Variants in VPS37B observed in about 807,000 individuals in gnomAD.
VPS37B encodes vacuolar protein sorting-associated protein 37B.
In VPS37B, 11 loss-of-function variants were observed where a neutral mutation model predicts 21.2. The observed-to-expected ratio is 0.52, with a 90% CI of 0.33 to 0.86. The LOEUF (loss-of-function observed/expected upper bound fraction) is 0.86, where lower values mean the gene tolerates loss of function less well. Ranked by LOEUF, VPS37B falls within the 40% of genes least tolerant of loss-of-function variation. The pLI is 0.03. For missense variants in VPS37B, 389 were observed against 374.8 expected (o/e 1.04, Z -0.31); for synonymous variants, 175 against 159.6 (o/e 1.10, Z -0.73).
chr12:122,880,184 G>A (rs1406054777), intron 1 of VPS37B: 1 of 152,188 alleles, frequency 6.6e-6, no homozygotes, highest in Non-Finnish European at 1.5e-5. Context: ...CTTTTTTGAA[G>A]ATTAGCCTTT....
At chr12:122,888,276 C>T (rs1415759493) in intron 1 of VPS37B, 5 of 310,792 alleles carry the variant, frequency 1.6e-5, no homozygotes, top group Non-Finnish European at 3.2e-5. Flanking sequence ...ATTCTAGAGA[C>T]AACAAAGCTA....
chr12:122,891,109 G>C (rs540260406), intron 1 of VPS37B, among the ~76,000 whole-genome samples: 37 of 152,284 alleles, frequency 2.4e-4, no homozygotes, highest in African/African-American at 8.2e-4. Flanking sequence ...TTAATTTCCA[G>C]TGAGGTAACT....
chr12:122,890,140 G>A (rs910673227), intron 1 of VPS37B: 2 of 152,136 alleles, frequency 1.3e-5, no homozygotes, highest in Admixed American at 6.5e-5. Flanking sequence ...TATTCTCTGT[G>A]CCCTCTGGTA....
chr12:122,867,141 T>A lies in VPS37B; in HGVS notation c.833A>T (p.His278Leu). 6.5e-7 allele frequency: 1 copy of A among 1,536,288 alleles called. No homozygotes were observed. Among genetic ancestry groups the A allele is most frequent in the East Asian group, 2.3e-5 (1 of 44,296 alleles). Residue 278 changes from histidine to leucine, a missense_variant, in exon 4 of 4, where the codon CAC (histidine) becomes CTC (leucine). By Grantham distance (99) the His-to-Leu change is moderately conservative (BLOSUM62 -3). Transcript: ENST00000267202. The surrounding 1 kb of genome is among the most constrained non-coding windows in gnomAD (Gnocchi z 5.5). ...TCACTGGAGGATGAAACCCGGCTGG[T>A]GTGGAGGGAGCCGGGGCGGGGGTCT... is the stretch of plus-strand genomic sequence containing the variant. Reference protein sequence around the residue: ...PQRPPPRLPPHQPGFILQ With the variant: ...PQRPPPRLPPLQPGFILQ
At position 122,866,114 on chromosome 12, in the gene VPS37B, A is replaced by T. The variant is rs1677614253; in HGVS notation, c.*1002T>A. 1 of 152,672 alleles carries T rather than the reference A, an allele frequency of 6.5e-6. No homozygotes were observed. The highest frequency in any genetic ancestry group is 2.1e-4 in the South Asian group (1 of 4,834). The allele number at this position is 152,672 out of a possible 1,614,324, so 9.5% of individuals were successfully genotyped here. The stretch of plus-strand genomic sequence containing the variant: ...CAATGAACTTGGACAAGCCCTTCAG[A>T]GAAAGCAGAGCCGGGGCCTTGCCCA... On this transcript the variant is annotated 3_prime_UTR_variant, in exon 4 of 4. Coordinates refer to ENST00000267202, the MANE Select transcript of VPS37B (RefSeq NM_024667.3).
chr12:122,884,983 T>C (rs2034300622), intron 1 of VPS37B: 1 of 152,190 alleles, frequency 6.6e-6, no homozygotes, highest in South Asian at 2.1e-4. Flanking sequence ...ACATGAACTT[T>C]CCAACACCTG....
Position 122,866,906 on chromosome 12 carries a change from T to C in VPS37B, c.*210A>G. On this transcript the variant is annotated 3_prime_UTR_variant, in exon 4 of 4. Transcript: ENST00000267202. ...TGCAAACCGATGCAACGCACAGGTG[T>C]CAGGCTGTAACCCGGCACACACAAC... 2 of 480,170 alleles carry C rather than the reference T, an allele frequency of 4.2e-6. No homozygotes were observed. The highest frequency in any genetic ancestry group is 3.4e-5 in the East Asian group (1 of 29,502). The allele number at this position is 480,170 out of a possible 1,614,324, so 29.7% of individuals were successfully genotyped here. A position where few individuals can be genotyped will look rare whatever the true frequency, so the allele number is the denominator to read the frequency against.
chr12:122,875,146 G>T (rs975629882), intron 1 of VPS37B: 2 of 148,620 alleles, frequency 1.3e-5, no homozygotes. Flanking sequence ...TGCAGCCTCC[G>T]CCTGCCAGGT....
chr12:122,883,928 G>A (rs1315716769), intron 1 of VPS37B: 1 of 152,208 alleles, frequency 6.6e-6, no homozygotes, highest in Non-Finnish European at 1.5e-5. Flanking sequence ...TGTCCTAACT[G>A]GCTTCAGAAT....
At chr12:122,886,127 C>CTAT (rs1298379645) in intron 1 of VPS37B, 1 of 152,144 alleles carries the variant, frequency 6.6e-6, no homozygotes, top group African/African-American at 2.4e-5. Context: ...TATCAAGTGA[C>CTAT]TATGGTGCTG....
chr12:122,865,896 A>T lies in VPS37B; in HGVS notation c.*1220T>A, dbSNP rs1473764858. 6.6e-6 allele frequency: 1 copy of T among 152,394 alleles called. No homozygotes were observed. The highest frequency in any genetic ancestry group is 1.9e-4 in the East Asian group (1 of 5,204). 9.4% of individuals were successfully genotyped at this position (152,394 alleles called of 1,614,324 possible). A position where few individuals can be genotyped will look rare whatever the true frequency, so the allele number is the denominator to read the frequency against. ...ACATGGCACGTGAAGATGAGGTCCC[A>T]CAGGGGTGGGGGAAGAGCAGGTGCA... On this transcript the variant is annotated 3_prime_UTR_variant, in exon 4 of 4. Transcript: ENST00000267202.
In VPS37B at chr12:122,867,485, G is replaced by A; in HGVS notation, c.489C>T (p.Val163=). 6.2e-7 allele frequency: 1 copy of A among 1,614,028 alleles called. No individual in the cohort carries two copies. The highest frequency in any genetic ancestry group is 8.5e-7 in the Non-Finnish European group (1 of 1,180,008). ...CCTGTGGGAGTCTCTGCCCCTTTAG[G>A]ACCATCTCCTGGAGCTTCTCGATTT... is the stretch of plus-strand genomic sequence containing the variant. ...RVKIEKLQEM[V]LKGQRLPQAL... Residue 163 remains valine (V), a synonymous_variant, in exon 4 of 4, where the codon GTC becomes GTT. Transcript: ENST00000267202. The surrounding 1 kb of genome is among the most constrained non-coding windows in gnomAD (Gnocchi z 5.5).
In VPS37B at chr12:122,866,079, T is replaced by G. The variant is rs906391968; in HGVS notation, c.*1037A>C. 4 of 152,626 alleles carry G rather than the reference T, an allele frequency of 2.6e-5. No homozygotes were observed. Among genetic ancestry groups the G allele is most frequent in the Non-Finnish European group, 5.9e-5 (4 of 68,040 alleles). 9.5% of individuals were successfully genotyped at this position (152,626 alleles called of 1,614,324 possible). ...AAGGCGGCCGGACGTCTTGACCACC[T>G]GTAACAGGGCAATGAACTTGGACAA... On this transcript the variant is annotated 3_prime_UTR_variant, in exon 4 of 4. Transcript: ENST00000267202.
intron 1 of VPS37B, chr12:122,887,382 C>CATCT (rs1044844524): frequency 4.5e-4 from 68 of 152,398 alleles, no homozygotes; most frequent in African/African-American, 1.5e-3. Context: ...CATATGAGGC[C>CATCT]ATCTGGTCCC....
intron 1 of VPS37B, chr12:122,885,096 T>C (rs1479369533): frequency 1.4e-5 from 2 of 147,374 alleles, no homozygotes; most frequent in Non-Finnish European, 2.9e-5. Context: ...ATAATGGAAT[T>C]TTTTTTTTCA....
chr12:122,878,107 T>C (rs1454796083), intron 1 of VPS37B: 2 of 152,154 alleles, frequency 1.3e-5, no homozygotes, highest in Non-Finnish European at 2.9e-5. Context: ...ACGCCTGTAA[T>C]CCCAGCACTT....
At chr12:122,890,454 C>T (rs2034397415) in intron 1 of VPS37B, among the ~76,000 whole-genome samples, 1 of 151,980 alleles carries the variant, frequency 6.6e-6, no homozygotes, top group African/African-American at 2.4e-5. Flanking sequence ...ACCTCAGCCT[C>T]CTGAATATCT....
chr12:122,893,920 T>A (rs1044016242), intron 1 of VPS37B, among the ~76,000 whole-genome samples: 37 of 151,790 alleles, frequency 2.4e-4, no homozygotes, highest in Admixed American at 5.3e-4. Context: ...ACAGGTGAGG[T>A]TGTCCCTAAC....
Position 122,866,797 on chromosome 12 carries a change from TTC to T in VPS37B, c.*317_*318del. ...TAAAGCTGCAACAGAAGGACCACGA[TTC>T]TAAATGGGACTGGGGGAGAGGCCTA... On this transcript the variant is annotated 3_prime_UTR_variant, in exon 4 of 4. Coordinates refer to ENST00000267202, the MANE Select transcript of VPS37B (RefSeq NM_024667.3). The T allele has an allele frequency of 3.3e-6, 1 of 303,364 alleles. No homozygotes were observed. Among genetic ancestry groups the T allele is most frequent in the Non-Finnish European group, 6.1e-6 (1 of 165,036 alleles). The allele number at this position is 303,364 out of a possible 1,614,324, so 18.8% of individuals were successfully genotyped here. A position where few individuals can be genotyped will look rare whatever the true frequency, so the allele number is the denominator to read the frequency against.
Sources: gnomAD v4.1 joint callset for allele counts (sites outside exome capture counted in the v4.1 genomes callset) on GRCh38, gnomAD v4.1.1 for gene constraint, Gnocchi (gnomAD v3.1) non-coding constraint, MANE v1.5 for transcripts, NCBI Gene and HGNC (gene_info 2026-07-23, HGNC 2026-07-21) for gene names.